TAFA1: variants seen among roughly 807,000 people sequenced by gnomAD.
TAFA1 encodes TAFA chemokine like family member 1, also known as chemokine-like protein TAFA-1.
In TAFA1, 4 loss-of-function variants were observed where a neutral mutation model predicts 18.5. The observed-to-expected ratio is 0.22, with a 90% CI of 0.11 to 0.49. TAFA1 has a LOEUF of 0.49. Ranked by LOEUF, TAFA1 falls within the 20% of genes least tolerant of loss-of-function variation. The pLI is 0.98. For synonymous variants in TAFA1, 56 were observed against 55.2 expected (o/e 1.01, Z -0.06); for missense variants, 147 against 169.0 (o/e 0.87, Z 0.72).
chr3:68,069,128 A>G (rs865953376), intron 2 of TAFA1, among the ~76,000 whole-genome samples: 39 of 152,212 alleles, frequency 2.6e-4, no homozygotes, highest in African/African-American at 8.9e-4. Context: ...AATGGTTTGT[A>G]TGCACCATAA....
At chr3:68,344,893 A>G (rs1343466943) in intron 2 of TAFA1, among the ~76,000 whole-genome samples, 3 of 152,182 alleles carry the variant, frequency 2.0e-5, no homozygotes, top group Non-Finnish European at 2.9e-5. Flanking sequence ...CTACCAGCCA[A>G]CTAACAGCTA....
intron 3 of TAFA1, among the ~76,000 whole-genome samples, chr3:68,449,663 C>G (rs1458673875): frequency 6.6e-6 from 1 of 152,094 alleles, no homozygotes; most frequent in Non-Finnish European, 1.5e-5. Flanking sequence ...TAATGATGTC[C>G]CATTTGGAGC....
At chr3:68,228,594 A>G (rs1404125414) in intron 2 of TAFA1, among the ~76,000 whole-genome samples, 2 of 152,146 alleles carry the variant, frequency 1.3e-5, no homozygotes, top group Non-Finnish European at 2.9e-5. Flanking sequence ...TTACTTGTCC[A>G]TCTCTCCTAC....
intron 3 of TAFA1, among the ~76,000 whole-genome samples, chr3:68,502,409 C>T (rs2072673739): frequency 6.6e-6 from 1 of 152,026 alleles, no homozygotes; most frequent in Non-Finnish European, 1.5e-5. Context: ...AGCTACCATG[C>T]CCAAATATAC....
intron 3 of TAFA1, among the ~76,000 whole-genome samples, chr3:68,453,623 C>T (rs2071604810): frequency 6.6e-6 from 1 of 152,118 alleles, no homozygotes; most frequent in East Asian, 1.9e-4. Context: ...TACAGCTAGG[C>T]CATTTGGCAA....
rs528561242 is a variant in TAFA1 at position 68,486,102 on chromosome 3, G to GTTTTATTTTA, written c.260-52619_260-52610dup. Among the ~76,000 whole-genome samples, 218 of 121,386 alleles carry GTTTTATTTTA rather than the reference G, an allele frequency of 1.8e-3. 2 individuals carry two copies. The highest frequency in any genetic ancestry group is 6.2e-3 in the African/African-American group (200 of 32,100). 79.6% of individuals were successfully genotyped at this position (121,386 alleles called of 152,430 possible). On this transcript the variant is annotated intron_variant, in intron 3 of 4. Coordinates refer to ENST00000478136, the MANE Select transcript of TAFA1 (RefSeq NM_213609.4). ...ATTTTATTTTATTTTATTTTATTTT[G>GTTTTATTTTA]TTTTATTTTATTTTATTTTATTTTA... is the stretch of plus-strand genomic sequence containing the variant.
At chr3:68,172,906 G>T (rs535104930) in intron 2 of TAFA1, among the ~76,000 whole-genome samples, 4 of 152,214 alleles carry the variant, frequency 2.6e-5, no homozygotes, top group East Asian at 1.9e-4. Context: ...ATTGACAGGG[G>T]TTTCTCTTTA....
intron 2 of TAFA1, among the ~76,000 whole-genome samples, chr3:68,177,241 G>A (rs914946213): frequency 2.0e-5 from 3 of 152,116 alleles, no homozygotes; most frequent in African/African-American, 4.8e-5. Flanking sequence ...AGACACCAAG[G>A]CATGCTCCCT....
chr3:68,184,459 G>T (rs923830611), intron 2 of TAFA1, among the ~76,000 whole-genome samples: 1 of 152,114 alleles, frequency 6.6e-6, no homozygotes, highest in South Asian at 2.1e-4. Context: ...AGCACTGTGT[G>T]CATGTGTGTG....
chr3:68,050,479 A>G (rs114155375), intron 2 of TAFA1, among the ~76,000 whole-genome samples: 1,718 of 152,236 alleles, frequency 0.011, 39 homozygotes, highest in African/African-American at 0.039. Context: ...ATCGTCTGCT[A>G]TGGCACGTAA....
At chr3:68,056,086 G>A (rs1258021648) in intron 2 of TAFA1, among the ~76,000 whole-genome samples, 1 of 152,108 alleles carries the variant, frequency 6.6e-6, no homozygotes, top group Admixed American at 6.6e-5. Context: ...TCTCTCAAGT[G>A]CTAGAGAAAT....
At chr3:68,048,933 A>G (rs1022565076) in intron 2 of TAFA1, among the ~76,000 whole-genome samples, 1 of 152,194 alleles carries the variant, frequency 6.6e-6, no homozygotes, top group East Asian at 1.9e-4. Flanking sequence ...GGATGTGCAG[A>G]TATCTCTTTG....
intron 2 of TAFA1, among the ~76,000 whole-genome samples, chr3:68,107,661 T>C: frequency 6.6e-6 from 1 of 152,114 alleles, no homozygotes; most frequent in East Asian, 1.9e-4. Flanking sequence ...GTCCATCAAA[T>C]GAATTTTAGA....
At chr3:68,538,453 G>T (rs1049807706) in intron 3 of TAFA1, among the ~76,000 whole-genome samples, 4 of 152,244 alleles carry the variant, frequency 2.6e-5, no homozygotes, top group Middle Eastern at 3.4e-3. Context: ...AGATAGCTTG[G>T]ATGTTAGAAG....
At chr3:68,391,789 C>T (rs894749939) in intron 2 of TAFA1, among the ~76,000 whole-genome samples, 2 of 152,106 alleles carry the variant, frequency 1.3e-5, no homozygotes, top group Non-Finnish European at 2.9e-5. Flanking sequence ...GAAGTAAAAT[C>T]CTTTACAGAC....
At chr3:68,522,845 G>A (rs1318380924) in intron 3 of TAFA1, among the ~76,000 whole-genome samples, 3 of 151,920 alleles carry the variant, frequency 2.0e-5, no homozygotes. Flanking sequence ...GGAGGCTGAG[G>A]TGGGCAGGTC....
chr3:68,011,685 C>T (rs537775640), intron 2 of TAFA1, among the ~76,000 whole-genome samples: 1 of 152,164 alleles, frequency 6.6e-6, no homozygotes, highest in East Asian at 1.9e-4. Flanking sequence ...TTTAAGAATG[C>T]GTACCAGTGC....
chr3:68,526,166 G>T (rs1300755082), intron 3 of TAFA1, among the ~76,000 whole-genome samples: 1 of 152,124 alleles, frequency 6.6e-6, no homozygotes, highest in Non-Finnish European at 1.5e-5. Flanking sequence ...TTTCTCCCTT[G>T]TCTAAAGTTT....
chr3:68,178,072 A>G (rs1429091823), intron 2 of TAFA1, among the ~76,000 whole-genome samples: 1 of 152,052 alleles, frequency 6.6e-6, no homozygotes, highest in Non-Finnish European at 1.5e-5. Flanking sequence ...TGAACCTGGG[A>G]GGCGGAGCTT....
Sources: allele counts gnomAD v4.1 joint callset (sites outside exome capture counted in the v4.1 genomes callset), GRCh38; gene constraint gnomAD v4.1.1; transcripts MANE v1.5; gene names NCBI Gene and HGNC (gene_info 2026-07-23, HGNC 2026-07-21).